Variants in BMP5 observed in about 807,000 individuals in gnomAD.
The protein encoded by BMP5 is bone morphogenetic protein 5.
Under a neutral mutation model 46.6 loss-of-function variants are expected in BMP5, and 23 were observed. That is an observed-to-expected ratio of 0.49 (90% CI 0.35 to 0.70). The LOEUF (loss-of-function observed/expected upper bound fraction) is 0.70, where lower values mean the gene tolerates loss of function less well. Ranked by LOEUF, BMP5 falls within the 30% of genes least tolerant of loss-of-function variation. The pLI is 0.00. For missense variants in BMP5, 545 were observed against 565.6 expected (o/e 0.96, Z 0.37); for synonymous variants, 204 against 191.9 (o/e 1.06, Z -0.52).
intron 3 of BMP5, among the ~76,000 whole-genome samples, chr6:55,784,251 T>C (rs16887168): frequency 0.014 from 2,054 of 151,952 alleles, 43 homozygotes; most frequent in African/African-American, 0.046. Context: ...CTATGCCAAA[T>C]GTTTCAGATA....
At chr6:55,764,514 A>G (rs961571746) in intron 4 of BMP5, among the ~76,000 whole-genome samples, 6 of 150,574 alleles carry the variant, frequency 4.0e-5, no homozygotes, top group African/African-American at 1.5e-4. Flanking sequence ...CGGAGCTTGC[A>G]GTGAGCGAGA....
intron 1 of BMP5, among the ~76,000 whole-genome samples, chr6:55,838,250 T>C (rs146796700): frequency 2.0e-5 from 3 of 152,260 alleles, no homozygotes; most frequent in African/African-American, 7.2e-5. Context: ...CTAATTTAGA[T>C]CTCCAGCAAC....
At chr6:55,824,413 CAG>C (rs1326831167) in intron 1 of BMP5, among the ~76,000 whole-genome samples, 1 of 151,812 alleles carries the variant, frequency 6.6e-6, no homozygotes, top group Admixed American at 6.6e-5. Context: ...CCAGTATTTC[CAG>C]TAAAATCTGT....
chr6:55,772,504 A>G (rs1379510840), intron 4 of BMP5, among the ~76,000 whole-genome samples: 86 of 151,930 alleles, frequency 5.7e-4, no homozygotes, highest in Non-Finnish European at 1.3e-4. Flanking sequence ...AAACATTTCA[A>G]CCAAACTTAG....
At position 55,874,760 on chromosome 6, in the gene BMP5, A is replaced by C; in HGVS notation, c.106T>G (p.Ser36Ala). The change falls in exon 1 of 7, where the codon TCC becomes GCC. Residue 36 changes from serine to alanine, a missense_variant. Ser to Ala is a moderately conservative substitution (Grantham distance 99). Coordinates refer to ENST00000370830, the MANE Select transcript of BMP5 (RefSeq NM_021073.4). The stretch of plus-strand genomic sequence containing the variant: ...CGTAGTCTTCTATAAATAAAACTGG[A>C]GTGAACATGATTGTCTCCCAAACCT... The part of the protein sequence containing the change: ...KGGLGDNHVH[S>A]SFIYRRLRNH... The C allele has an allele frequency of 6.2e-7, 1 of 1,613,500 alleles. No individual in the cohort carries two copies. The highest frequency in any genetic ancestry group is 1.7e-4 in the Middle Eastern group (1 of 6,054).
intron 2 of BMP5, among the ~76,000 whole-genome samples, chr6:55,818,856 G>C (rs1776340453): frequency 6.6e-6 from 1 of 152,064 alleles, no homozygotes; most frequent in African/African-American, 2.4e-5. Context: ...CTAGATGTGA[G>C]GAATGAAAGC....
At chr6:55,777,735 T>C (rs998793919) in intron 3 of BMP5, among the ~76,000 whole-genome samples, 2 of 151,976 alleles carry the variant, frequency 1.3e-5, no homozygotes, top group African/African-American at 4.8e-5. Context: ...TGATATTTTT[T>C]TAAGTCTATA....
intron 1 of BMP5, among the ~76,000 whole-genome samples, chr6:55,863,807 A>G (rs1342411792): frequency 1.3e-5 from 2 of 152,150 alleles, no homozygotes; most frequent in Non-Finnish European, 2.9e-5. Context: ...AATACTTACC[A>G]TGGTGTTACA....
intron 1 of BMP5, among the ~76,000 whole-genome samples, chr6:55,870,387 T>C (rs1777755912): frequency 6.6e-6 from 1 of 152,130 alleles, no homozygotes; most frequent in African/African-American, 2.4e-5. Flanking sequence ...CACTCAGCAA[T>C]ATTTTTCTCT....
intron 3 of BMP5, among the ~76,000 whole-genome samples, chr6:55,780,563 G>T (rs1775292405): frequency 6.6e-6 from 1 of 151,830 alleles, no homozygotes; most frequent in Non-Finnish European, 1.5e-5. Context: ...ATATGATTTG[G>T]GTATGTTAGG....
chr6:55,755,458 G>C lies in BMP5; in HGVS notation c.*75C>G. On this transcript the variant is annotated 3_prime_UTR_variant, in exon 7 of 7. Coordinates refer to ENST00000370830, the MANE Select transcript of BMP5 (RefSeq NM_021073.4). ...ACTAATTTTAGGAAATTCCCCGTTT[G>C]TCTGAAAGTATGCTTTTTATTGCAG... is the stretch of plus-strand genomic sequence containing the variant. 2.8e-6 allele frequency: 4 copies of C among 1,439,170 alleles called. No homozygotes were observed. In the South Asian group the frequency reaches 4.8e-5, roughly 17 times the overall value. 89.2% of individuals were successfully genotyped at this position (1,439,170 alleles called of 1,614,324 possible). A position where few individuals can be genotyped will look rare whatever the true frequency, so the allele number is the denominator to read the frequency against.
intron 1 of BMP5, among the ~76,000 whole-genome samples, chr6:55,872,944 A>T (rs558187779): frequency 2.0e-5 from 3 of 152,034 alleles, no homozygotes; most frequent in East Asian, 1.9e-4. Flanking sequence ...AAATTAAGCT[A>T]TATTTTAATG....
chr6:55,812,371 T>A (rs562341037), intron 2 of BMP5, among the ~76,000 whole-genome samples: 1 of 152,222 alleles, frequency 6.6e-6, no homozygotes, highest in South Asian at 2.1e-4. Flanking sequence ...GATAAATAAA[T>A]AAGAAAAGAG....
intron 1 of BMP5, among the ~76,000 whole-genome samples, chr6:55,854,419 G>A (rs186190109): frequency 5.9e-5 from 9 of 151,852 alleles, no homozygotes; most frequent in African/African-American, 1.9e-4. Context: ...ATTTAAGAGG[G>A]TTAATCTAAT....
chr6:55,874,369 A>G lies in BMP5; in HGVS notation c.490+7T>C. ...AACATAGATTAACAAACAAATGAAC[A>G]ACATACCTAAGTTGACAAAGCTCAT... On this transcript the variant is annotated splice_region_variant and intron_variant, in intron 1 of 6. Transcript: ENST00000370830. 3 of 1,613,028 alleles carry G rather than the reference A, an allele frequency of 1.9e-6. No homozygotes were observed. Among genetic ancestry groups the G allele is most frequent in the South Asian group, 1.1e-5 (1 of 91,022 alleles).
chr6:55,811,125 A>C (rs7741189), intron 2 of BMP5, among the ~76,000 whole-genome samples: 2,199 of 152,268 alleles, frequency 0.014, 73 homozygotes, highest in African/African-American at 0.05. Flanking sequence ...AGAGCCCAGG[A>C]AATCTTCCTG....
intron 4 of BMP5, among the ~76,000 whole-genome samples, chr6:55,764,752 TAG>T (rs1323175663): frequency 6.9e-6 from 1 of 145,662 alleles, no homozygotes; most frequent in Non-Finnish European, 1.5e-5. Flanking sequence ...TGAAGATAGG[TAG>T]AGAGTAGAAT....
intron 1 of BMP5, among the ~76,000 whole-genome samples, chr6:55,850,403 T>TATAG (rs1268643712): frequency 9.6e-4 from 144 of 150,644 alleles, no homozygotes; most frequent in African/African-American, 3.0e-3. Flanking sequence ...GATCGATAGA[T>TATAG]ATAGATAGAT....
At chr6:55,785,858 T>C (rs991211562) in intron 3 of BMP5, among the ~76,000 whole-genome samples, 5 of 151,758 alleles carry the variant, frequency 3.3e-5, no homozygotes, top group Admixed American at 2.6e-4. Context: ...CACTCTAAAA[T>C]GTTATGGAAA....
Sources: allele counts gnomAD v4.1 joint callset (sites outside exome capture counted in the v4.1 genomes callset), GRCh38; gene constraint gnomAD v4.1.1; transcripts MANE v1.5; gene names NCBI Gene and HGNC (gene_info 2026-07-23, HGNC 2026-07-21).